ADD3: variants seen among roughly 807,000 people sequenced by gnomAD.
ADD3 encodes gamma-adducin.
In ADD3, 25 loss-of-function variants were observed where a neutral mutation model predicts 80.2. The observed-to-expected ratio is 0.31, with a 90% CI of 0.23 to 0.44. ADD3 has a LOEUF of 0.44. Among genes scored for constraint, ADD3 ranks in the 20% least tolerant of loss-of-function variants. ADD3 has a pLI of 1.00. For synonymous variants in ADD3, 284 were observed against 289.6 expected, an observed-to-expected ratio of 0.98 and a Z score of 0.20; for missense variants, 829 against 847.5, an observed-to-expected ratio of 0.98 and a Z score of 0.27.
intron 1 of ADD3, among the ~76,000 whole-genome samples, chr10:109,997,252 C>T (rs1589675099): frequency 6.6e-6 from 1 of 152,236 alleles, no homozygotes; most frequent in African/African-American, 2.4e-5. Flanking sequence ...GATTCAAATG[C>T]TAGGAAGAGA....
At chr10:110,102,746 C>A (rs1311509960) in intron 2 of ADD3, among the ~76,000 whole-genome samples, 1 of 152,070 alleles carries the variant, frequency 6.6e-6, no homozygotes, top group Non-Finnish European at 1.5e-5. Context: ...CAAAGAGGAC[C>A]GTTGAATTCT....
intron 1 of ADD3, among the ~76,000 whole-genome samples, chr10:110,017,643 T>A (rs1589737623): frequency 6.6e-6 from 1 of 152,200 alleles, no homozygotes; most frequent in East Asian, 1.9e-4. Context: ...GTAGTACTTT[T>A]CAATATGGCA....
upstream of ADD3, chr10:110,005,995 TGCTGCTGCTGCCGCCGCCGCC>T (rs1382032938): frequency 8.1e-6 from 2 of 245,770 alleles, no homozygotes; most frequent in South Asian, 4.5e-5. Flanking sequence ...CTAATGCTGC[TGCTGCTGCTGCCGCCGCCGCC>T]GCTGCTGCTG....
At chr10:110,030,121 C>T (rs531790297) in intron 1 of ADD3, among the ~76,000 whole-genome samples, 14 of 151,466 alleles carry the variant, frequency 9.2e-5, no homozygotes, top group South Asian at 2.1e-4. Context: ...GTCGGGAGTT[C>T]GAGACCAGCC....
intron 12 of ADD3, among the ~76,000 whole-genome samples, chr10:110,128,469 GCAGT>G (rs1353640862): frequency 7.2e-5 from 11 of 152,092 alleles, no homozygotes; most frequent in Non-Finnish European, 1.3e-4. Context: ...AGGCTAGAGT[GCAGT>G]GGCGCGATCT....
chr10:110,110,631 T>C (rs965469535), intron 2 of ADD3, among the ~76,000 whole-genome samples: 4 of 152,108 alleles, frequency 2.6e-5, no homozygotes, highest in Admixed American at 2.0e-4. Flanking sequence ...GGACTAGTTC[T>C]AACATCTACC....
chr10:110,075,493 G>T (rs1056609831), intron 1 of ADD3: 1 of 152,182 alleles, frequency 6.6e-6, no homozygotes, highest in Non-Finnish European at 1.5e-5. Context: ...TCAATTTTCA[G>T]TGGTGAAAGC....
intron 7 of ADD3, 47 bp downstream of exon 7, chr10:110,119,401 G>A (rs933703374): frequency 1.9e-6 from 3 of 1,613,084 alleles, no homozygotes; most frequent in Middle Eastern, 3.3e-4. Flanking sequence ...TGCTGCTGCT[G>A]TTGATGAAAA....
intron 11 of ADD3, 22 bp downstream of exon 11, chr10:110,125,967 C>G: frequency 6.3e-7 from 1 of 1,577,554 alleles, no homozygotes; most frequent in Non-Finnish European, 8.6e-7. Context: ...TCTTCTATAG[C>G]CAGGGGAGAC....
At position 110,099,240 on chromosome 10, in the gene ADD3, T is replaced by TA. The variant is rs879303349; in HGVS notation, c.-29-1373dup. Among the ~76,000 whole-genome samples, 1,133 of 143,996 alleles carry TA rather than the reference T, an allele frequency of 7.9e-3. 7 individuals carry two copies. The highest frequency in any genetic ancestry group is 0.011 in the Non-Finnish European group (722 of 65,490). The allele number at this position is 143,996 out of a possible 152,430, so 94.5% of individuals were successfully genotyped here. ...CACCACGCCCAGCTTAAACTCTATTTAAAAAAAAAAAATACAAAAATGTGA... is the reference window on the plus strand; with the variant it reads ...CACCACGCCCAGCTTAAACTCTATTTAAAAAAAAAAAAATACAAAAATGTGA... On this transcript the variant is annotated intron_variant, in intron 1 of 14. Transcript: ENST00000356080.
intron 1 of ADD3, among the ~76,000 whole-genome samples, chr10:110,055,100 C>A (rs191962828): frequency 2.0e-5 from 3 of 152,260 alleles, no homozygotes; most frequent in Non-Finnish European, 2.9e-5. Flanking sequence ...AAAGTGTTTA[C>A]CTCTAGTAAG....
chr10:110,067,395 G>A (rs111969971), intron 1 of ADD3, among the ~76,000 whole-genome samples: 3 of 152,136 alleles, frequency 2.0e-5, no homozygotes, highest in African/African-American at 4.8e-5. Context: ...AACTTCAGAG[G>A]TGCTAACTTG....
intron 1 of ADD3, among the ~76,000 whole-genome samples, chr10:110,081,779 A>G (rs976219602): frequency 2.6e-5 from 4 of 152,248 alleles, no homozygotes; most frequent in African/African-American, 9.6e-5. Context: ...TTTTGAAGAT[A>G]CATCCTGATG....
chr10:110,125,823 T>C lies in ADD3; in HGVS notation c.1402-3T>C, dbSNP rs1590235164. ...TCATTTTAGAAAATTTTTGATTCTT[T>C]AGTGGATGAAAGCAGAAGACTCATC... On this transcript the variant is annotated splice_polypyrimidine_tract_variant and splice_region_variant and intron_variant, in intron 10 of 14. Transcript: ENST00000356080. The C allele has an allele frequency of 1.3e-6, 2 of 1,572,806 alleles. No homozygotes were observed. The highest frequency in any genetic ancestry group is 8.7e-7 in the Non-Finnish European group (1 of 1,155,944).
chr10:110,116,318 A>G lies in ADD3; in HGVS notation c.394A>G (p.Lys132Glu). 1 of 1,614,112 alleles carries G rather than the reference A, an allele frequency of 6.2e-7. No individual in the cohort carries two copies. Among genetic ancestry groups the G allele is most frequent in the Non-Finnish European group, 8.5e-7 (1 of 1,180,006 alleles). ...LPGADTSSYV[K>E]GEKLTRCKLA... ...TGGTGCAGATACATCCTCATATGTG[A>G]AGGGAGAAAAACTTACTCGCTGTAA... The change falls in exon 4 of 15, where the codon AAG becomes GAG. Residue 132 changes from lysine to glutamate, a missense_variant. Transcript: ENST00000356080.
chr10:110,128,080 A>G (rs1170998064), intron 12 of ADD3, among the ~76,000 whole-genome samples: 1 of 119,226 alleles, frequency 8.4e-6, no homozygotes, highest in Admixed American at 9.5e-5. Flanking sequence ...TTGCTTTTAG[A>G]CCCTTTCTGC....
intron 8 of ADD3, chr10:110,119,823 G>T (rs185359400): frequency 2.9e-6 from 1 of 339,968 alleles, no homozygotes; most frequent in African/African-American, 2.1e-5. Context: ...TTTTAAGTTA[G>T]TACAATTGCA....
At chr10:110,070,973 G>A (rs1477028999) in intron 1 of ADD3, among the ~76,000 whole-genome samples, 1 of 44,470 alleles carries the variant, frequency 2.2e-5, no homozygotes, top group African/African-American at 1.7e-4. Context: ...TTAGTTTTTT[G>A]TTGTTTTTGG....
intron 1 of ADD3, among the ~76,000 whole-genome samples, chr10:110,057,197 T>C (rs1443117042): frequency 2.6e-5 from 4 of 152,188 alleles, no homozygotes; most frequent in Non-Finnish European, 4.4e-5. Context: ...ACTTCTCTAA[T>C]TGGGTATTAT....
Sources: allele counts gnomAD v4.1 joint callset (sites outside exome capture counted in the v4.1 genomes callset), GRCh38; gene constraint gnomAD v4.1.1; transcripts MANE v1.5; gene names NCBI Gene and HGNC (gene_info 2026-07-23, HGNC 2026-07-21).